DLGAP2: variants seen among roughly 807,000 people sequenced by gnomAD.
DLGAP2 encodes the protein disks large-associated protein 2.
Under a neutral mutation model 100.3 loss-of-function variants are expected in DLGAP2, and 26 were observed. The ratio of observed to expected loss-of-function variants is 0.26; its 90% CI spans 0.19 to 0.36. The LOEUF (loss-of-function observed/expected upper bound fraction) is 0.36. Among genes scored for constraint, DLGAP2 ranks in the 10% least tolerant of loss-of-function variants. The pLI, the probability that DLGAP2 is intolerant of heterozygous loss-of-function variation, is 1.00. For missense variants in DLGAP2, 1,858 were observed against 1,453.2 expected (o/e 1.28, Z -4.53); for synonymous variants, 886 against 630.1 (o/e 1.41, Z -6.08).
intron 2 of DLGAP2, among the ~76,000 whole-genome samples, chr8:994,409 A>T (rs1800727990): frequency 6.6e-6 from 1 of 152,144 alleles, no homozygotes; most frequent in Non-Finnish European, 1.5e-5. Context: ...CATGTTGGTC[A>T]GGCTGGTCTC....
intron 2 of DLGAP2, among the ~76,000 whole-genome samples, chr8:1,038,864 C>T (rs184877163): frequency 2.6e-5 from 4 of 152,286 alleles, no homozygotes; most frequent in Admixed American, 2.0e-4. Flanking sequence ...TGAGGAACCT[C>T]ATTGAGACTC....
intron 2 of DLGAP2, among the ~76,000 whole-genome samples, chr8:1,231,576 A>C (rs1301966137): frequency 1.3e-5 from 2 of 152,232 alleles, no homozygotes. Flanking sequence ...AAGAGAGGAA[A>C]TCAGCCTAGG....
chr8:1,449,969 C>T (rs1323097668), intron 3 of DLGAP2, among the ~76,000 whole-genome samples: 2 of 77,992 alleles, frequency 2.6e-5, no homozygotes, highest in Non-Finnish European at 5.1e-5. Flanking sequence ...AGGTGGGCGG[C>T]CTCGGTGACT....
At chr8:1,474,706 T>A (rs1194493478) in intron 3 of DLGAP2, among the ~76,000 whole-genome samples, 1 of 152,154 alleles carries the variant, frequency 6.6e-6, no homozygotes, top group Non-Finnish European at 1.5e-5. Flanking sequence ...AAATGGCTTT[T>A]GTTAAAAGGT....
At chr8:1,182,081 T>C (rs1179239230) in intron 2 of DLGAP2, among the ~76,000 whole-genome samples, 3 of 152,226 alleles carry the variant, frequency 2.0e-5, no homozygotes, top group Admixed American at 2.0e-4. Context: ...AGATGGGTCT[T>C]GCTAAGGAGC....
chr8:1,142,357 G>C (rs1307806769), intron 2 of DLGAP2, among the ~76,000 whole-genome samples: 1 of 152,150 alleles, frequency 6.6e-6, no homozygotes, highest in African/African-American at 2.4e-5. Context: ...TTAAATGTTA[G>C]AGAAAATGAG....
chr8:1,217,232 T>C (rs1165463803), intron 2 of DLGAP2, among the ~76,000 whole-genome samples: 2 of 152,220 alleles, frequency 1.3e-5, no homozygotes, highest in East Asian at 1.9e-4. Flanking sequence ...GTCTCTGTGT[T>C]AGTTTGCTTA....
chr8:1,656,807 A>G (rs968257641), intron 8 of DLGAP2, among the ~76,000 whole-genome samples: 18 of 152,210 alleles, frequency 1.2e-4, no homozygotes, highest in African/African-American at 4.1e-4. Flanking sequence ...AAGTCATTCC[A>G]TTGGCCTCAG....
intron 3 of DLGAP2, among the ~76,000 whole-genome samples, chr8:1,491,327 C>A (rs1437888033): frequency 4.6e-5 from 7 of 152,240 alleles, no homozygotes; most frequent in Admixed American, 3.3e-4. Context: ...TTTCAGGCCG[C>A]TGCTCCTGAC....
chr8:1,050,829 A>G (rs1217509514), intron 2 of DLGAP2, among the ~76,000 whole-genome samples: 2 of 152,080 alleles, frequency 1.3e-5, no homozygotes, highest in African/African-American at 2.4e-5. Flanking sequence ...AAAGGACCTG[A>G]ATTTTTTACG....
intron 2 of DLGAP2, among the ~76,000 whole-genome samples, chr8:1,253,968 T>A (rs1799111404): frequency 6.6e-6 from 1 of 152,204 alleles, no homozygotes; most frequent in Non-Finnish European, 1.5e-5. Flanking sequence ...GAATCTGTGG[T>A]CAGTTTTGAC....
At chr8:1,040,092 CCGTGGTCGGCTCGGTGTG>C (rs1802283587) in intron 2 of DLGAP2, among the ~76,000 whole-genome samples, 6 of 74,598 alleles carry the variant, frequency 8.0e-5, no homozygotes, top group East Asian at 8.1e-4. Context: ...AGCTCGGTTT[CCGTGGTCGGCTCGGTGTG>C]CGTGGTCGGC....
chr8:957,520 A>G lies in DLGAP2; in HGVS notation c.73+49554A>G, dbSNP rs539547274. On this transcript the variant is annotated intron_variant, in intron 2 of 14. Coordinates refer to ENST00000637795, the MANE Select transcript of DLGAP2 (RefSeq NM_001346810.2). Reference sequence around the variant, plus strand: ...TGATATTAGGCCACTGCTGATGTGTATTTGGATTGTGTCCATGTTCTACCG... The same window carrying G: ...TGATATTAGGCCACTGCTGATGTGTGTTTGGATTGTGTCCATGTTCTACCG... Among the ~76,000 whole-genome samples the G allele has an allele frequency of 3.3e-5, 5 of 152,322 alleles. No homozygotes were observed. In the East Asian group the frequency reaches 5.8e-4, roughly 18 times the overall value.
intron 2 of DLGAP2, among the ~76,000 whole-genome samples, chr8:1,179,824 C>A (rs1006425798): frequency 6.6e-6 from 1 of 152,068 alleles, no homozygotes; most frequent in South Asian, 2.1e-4. Flanking sequence ...TACATTTATA[C>A]CCAGTGATTG....
At chr8:862,299 G>A (rs1240458398) in intron 1 of DLGAP2, among the ~76,000 whole-genome samples, 1 of 138,108 alleles carries the variant, frequency 7.2e-6, no homozygotes, top group Non-Finnish European at 1.6e-5. Flanking sequence ...TTGGACTCCA[G>A]TTTTTTTTTT....
At chr8:1,194,219 G>A (rs1030998821) in intron 2 of DLGAP2, among the ~76,000 whole-genome samples, 1 of 152,086 alleles carries the variant, frequency 6.6e-6, no homozygotes, top group Non-Finnish European at 1.5e-5. Context: ...TTCTCAGCCC[G>A]ACTCAGGAGG....
At chr8:1,361,550 C>A (rs1801982277) in intron 3 of DLGAP2, among the ~76,000 whole-genome samples, 1 of 152,206 alleles carries the variant, frequency 6.6e-6, no homozygotes, top group Non-Finnish European at 1.5e-5. Context: ...CTTCTTCTTG[C>A]TCGTGATTGT....
At position 1,677,093 on chromosome 8, in the gene DLGAP2, C is replaced by T. The variant is rs569510936; in HGVS notation, c.2288+475C>T. 7.2e-5 allele frequency among the ~76,000 whole-genome samples: 11 copies of T among 152,188 alleles called. No individual in the cohort carries two copies. The South Asian group carries it at 8.3e-4, about 11-fold the overall frequency. On this transcript the variant is annotated intron_variant, in intron 11 of 14. Transcript: ENST00000637795. ...GTGTTATTTTTGTAACAAGGCAGGA[C>T]GATCATTTTAGTTTATATTTAAAAT...
intron 3 of DLGAP2, among the ~76,000 whole-genome samples, chr8:1,433,736 G>A (rs1181248491): frequency 1.2e-5 from 1 of 84,060 alleles, no homozygotes; most frequent in Non-Finnish European, 2.5e-5. Flanking sequence ...AGGCAAAACT[G>A]GCTTTTTTTT....
Sources: gnomAD v4.1 joint callset for allele counts (sites outside exome capture counted in the v4.1 genomes callset) on GRCh38, gnomAD v4.1.1 for gene constraint, MANE v1.5 for transcripts, NCBI Gene and HGNC (gene_info 2026-07-23, HGNC 2026-07-21) for gene names.